Variants in PBX1 observed in about 807,000 individuals in gnomAD.
The protein encoded by PBX1 is pre-B-cell leukemia transcription factor 1.
Under a neutral mutation model 53.4 loss-of-function variants are expected in PBX1, and 6 were observed. The ratio of observed to expected loss-of-function variants is 0.11; its 90% CI spans 0.06 to 0.22. The LOEUF is 0.22. Among genes scored for constraint, PBX1 ranks in the 10% least tolerant of loss-of-function variants. The pLI is 1.00. For missense variants in PBX1, 251 were observed against 551.4 expected (o/e 0.46, Z 5.46); for synonymous variants, 204 against 212.3 (o/e 0.96, Z 0.34).
intron 2 of PBX1, among the ~76,000 whole-genome samples, chr1:164,725,407 G>C (rs1359763329): frequency 1.3e-5 from 2 of 152,100 alleles, no homozygotes; most frequent in African/African-American, 4.8e-5. Context: ...GTACCAGTGG[G>C]ATACCTCCTT....
intron 2 of PBX1, among the ~76,000 whole-genome samples, chr1:164,753,219 G>C (rs770279109): frequency 3.3e-5 from 5 of 152,036 alleles, no homozygotes; most frequent in Non-Finnish European, 7.4e-5. Flanking sequence ...TTGTTTCTTT[G>C]AATTATTTAA....
chr1:164,875,762 A>C (rs1672489658), intron 2 of PBX1, among the ~76,000 whole-genome samples: 1 of 152,070 alleles, frequency 6.6e-6, no homozygotes, highest in Non-Finnish European at 1.5e-5. Flanking sequence ...CCTTTCTTAA[A>C]GGGATATGTG....
At chr1:164,714,551 A>C (rs1433895816) in intron 2 of PBX1, among the ~76,000 whole-genome samples, 1 of 152,212 alleles carries the variant, frequency 6.6e-6, no homozygotes, top group African/African-American at 2.4e-5. Context: ...TCCACTGAAG[A>C]AGATATTTAG....
intron 2 of PBX1, among the ~76,000 whole-genome samples, chr1:164,875,986 G>A (rs866767612): frequency 9.3e-5 from 2 of 21,534 alleles, no homozygotes; most frequent in Admixed American, 1.2e-3. Context: ...TTTGGTGTAT[G>A]TGTATATATA....
At position 164,851,431 on chromosome 1, in the gene PBX1, TA is replaced by T. The variant is rs1211375343; in HGVS notation, c.*4756del. The stretch of plus-strand genomic sequence containing the variant: ...ACATCACCTTTATGGTTTCAATCCC[TA>T]GCTCAAAGCTTCCTGGAATCTTTTA... On this transcript the variant is annotated 3_prime_UTR_variant, in exon 9 of 9. Transcript: ENST00000420696. 1 of 198,904 alleles carries T rather than the reference TA, an allele frequency of 5.0e-6. No individual in the cohort carries two copies. Among genetic ancestry groups the T allele is most frequent in the East Asian group, 7.8e-5 (1 of 12,848 alleles). 12.3% of individuals were successfully genotyped at this position (198,904 alleles called of 1,614,324 possible). A position where few individuals can be genotyped will look rare whatever the true frequency, so the allele number is the denominator to read the frequency against.
intron 2 of PBX1, among the ~76,000 whole-genome samples, chr1:164,614,621 G>T (rs1657147878): frequency 6.6e-6 from 1 of 152,092 alleles, no homozygotes; most frequent in African/African-American, 2.4e-5. Flanking sequence ...TTTCAACCCT[G>T]TGAAATATGG....
chr1:164,787,622 C>G (rs1384633307), intron 2 of PBX1: 1 of 152,186 alleles, frequency 6.6e-6, no homozygotes, highest in Non-Finnish European at 1.5e-5. Flanking sequence ...TGTTTTTCTC[C>G]TTGTGTGAAG....
chr1:164,704,937 C>T (rs1327374839), intron 2 of PBX1, among the ~76,000 whole-genome samples: 1 of 152,130 alleles, frequency 6.6e-6, no homozygotes, highest in African/African-American at 2.4e-5. Context: ...CAAAATACTA[C>T]CAAAAGGAGT....
intron 2 of PBX1, among the ~76,000 whole-genome samples, chr1:164,723,327 G>A (rs557305593): frequency 1.1e-4 from 17 of 152,262 alleles, no homozygotes; most frequent in African/African-American, 3.1e-4. Context: ...CTCTTTAGAG[G>A]CTTATGCTCC....
At chr1:164,638,037 T>G (rs1658890573) in intron 2 of PBX1, among the ~76,000 whole-genome samples, 1 of 152,214 alleles carries the variant, frequency 6.6e-6, no homozygotes, top group African/African-American at 2.4e-5. Flanking sequence ...AGGGGGTCTA[T>G]TAATGTTTAT....
chr1:164,611,593 CTT>C, intron 2 of PBX1, among the ~76,000 whole-genome samples: 1 of 151,504 alleles, frequency 6.6e-6, no homozygotes, highest in East Asian at 2.0e-4. Flanking sequence ...GCTCAGTTCT[CTT>C]TTTGATTGTC....
At chr1:164,773,241 G>GCACACACACACACACACACA (rs746140319) in intron 2 of PBX1, among the ~76,000 whole-genome samples, 1,612 of 135,262 alleles carry the variant, frequency 0.012, 42 homozygotes, top group African/African-American at 0.037. Flanking sequence ...TAGGTAACAC[G>GCACACACACACACACACACA]CGCACACACA....
intron 2 of PBX1, among the ~76,000 whole-genome samples, chr1:164,706,082 T>C (rs529937265): frequency 6.6e-6 from 1 of 150,606 alleles, no homozygotes; most frequent in South Asian, 2.1e-4. Flanking sequence ...ACTTGTGACT[T>C]ACTAAGGAGT....
chr1:164,792,720 G>A lies in PBX1; in HGVS notation c.492G>A (p.Glu164=). Residue 164 remains glutamate, a synonymous_variant, in exon 3 of 9, where the codon GAG becomes GAA. Coordinates refer to ENST00000420696, the MANE Select transcript of PBX1 (RefSeq NM_002585.4). ...AGATCAGACAAATCTACCATACGGA[G>A]CTGGAGAAATACGAGCAGGTAACCA... ...LSQIRQIYHT[E]LEKYEQACNE... is the part of the protein sequence containing the mutation. 6.2e-7 allele frequency: 1 copy of A among 1,608,022 alleles called. No individual in the cohort carries two copies. Among genetic ancestry groups the A allele is most frequent in the Non-Finnish European group, 8.5e-7 (1 of 1,175,804 alleles).
intron 2 of PBX1, among the ~76,000 whole-genome samples, chr1:164,710,062 G>A (rs1663666082): frequency 1.3e-5 from 2 of 152,160 alleles, no homozygotes; most frequent in Admixed American, 1.3e-4. Flanking sequence ...GACTTGTTTT[G>A]AGAATTAAAT....
Position 164,821,580 on chromosome 1 carries a change from G to T in PBX1, c.1154G>T (p.Ser385Ile). 6.2e-7 allele frequency: 1 copy of T among 1,614,094 alleles called. No individual in the cohort carries two copies. The highest frequency in any genetic ancestry group is 8.5e-7 in the Non-Finnish European group (1 of 1,179,974). The stretch of plus-strand genomic sequence containing the variant: ...GTTATCAGCCAGACAGGAGGATACA[G>T]TGATGGACTCGCAGCCAGTCAGATG... The part of the protein sequence containing the change: ...RHVISQTGGY[S>I]DGLAASQMYS... Residue 385 changes from serine (S) to isoleucine (I), a missense_variant, in exon 8 of 9, where the codon AGT (serine) becomes ATT (isoleucine). Ser to Ile is a moderately radical substitution (Grantham distance 142, BLOSUM62 -2). Transcript: ENST00000420696.
chr1:164,836,545 A>G (rs79617663), intron 8 of PBX1, among the ~76,000 whole-genome samples: 7,046 of 152,236 alleles, frequency 0.046, 199 homozygotes, highest in East Asian at 0.073. Flanking sequence ...TCATTTCATC[A>G]GTAAATAGAA....
At chr1:164,801,004 A>G (rs1431427673) in intron 4 of PBX1, among the ~76,000 whole-genome samples, 3 of 152,102 alleles carry the variant, frequency 2.0e-5, no homozygotes, top group Admixed American at 2.0e-4. Context: ...GTTCACAATT[A>G]TGGTCTTTAC....
chr1:164,571,918 C>CTTT (rs536497681), intron 2 of PBX1, among the ~76,000 whole-genome samples: 7 of 42,350 alleles, frequency 1.7e-4, no homozygotes, highest in East Asian at 5.4e-4. Context: ...TATATATATG[C>CTTT]TTTTTTTTTT....
Sources: gnomAD v4.1 joint callset for allele counts (sites outside exome capture counted in the v4.1 genomes callset) on GRCh38, gnomAD v4.1.1 for gene constraint, MANE v1.5 for transcripts, NCBI Gene and HGNC (gene_info 2026-07-23, HGNC 2026-07-21) for gene names.